NDUFAF6: variants seen among roughly 807,000 people sequenced by gnomAD.
The protein encoded by NDUFAF6 is NADH:ubiquinone oxidoreductase complex assembly factor 6.
Under a neutral mutation model 40.8 loss-of-function variants are expected in NDUFAF6, and 45 were observed. The ratio of observed to expected loss-of-function variants is 1.10; its 90% CI spans 0.87 to 1.42. The LOEUF (loss-of-function observed/expected upper bound fraction) is 1.42. NDUFAF6 is among the 40% of genes most tolerant of loss of function. The probability of loss-of-function intolerance (pLI) is 0.00; values close to 1 mark genes in which losing one functional copy is unlikely to be tolerated. For synonymous variants in NDUFAF6, 185 were observed against 155.9 expected (o/e 1.19, Z -1.39); for missense variants, 435 against 418.5 (o/e 1.04, Z -0.34).
At chr8:95,028,904 T>C (rs534092263) in intron 1 of NDUFAF6, among the ~76,000 whole-genome samples, 1 of 152,336 alleles carries the variant, frequency 6.6e-6, no homozygotes, top group South Asian at 2.1e-4. Flanking sequence ...TTGCCTTCGC[T>C]GTCCTTAGAA....
At chr8:94,906,244 G>A (rs1418448346) in intron 1 of NDUFAF6, among the ~76,000 whole-genome samples, 1 of 152,052 alleles carries the variant, frequency 6.6e-6, no homozygotes, top group Non-Finnish European at 1.5e-5. Flanking sequence ...GTGCTCTTAG[G>A]TATGACCACT....
At chr8:94,912,515 G>A (rs1264063332) in intron 1 of NDUFAF6, among the ~76,000 whole-genome samples, 2 of 152,158 alleles carry the variant, frequency 1.3e-5, no homozygotes, top group African/African-American at 4.8e-5. Context: ...TAAACCAGTA[G>A]ACTGGGTGCG....
chr8:95,020,451 A>T (rs1422697902), upstream of NDUFAF6, among the ~76,000 whole-genome samples: 1 of 152,168 alleles, frequency 6.6e-6, no homozygotes, highest in African/African-American at 2.4e-5. Flanking sequence ...GCAAGCCTGT[A>T]TGGTGCCTTG....
At chr8:95,060,952 G>C (rs1327140624), downstream of NDUFAF6, among the ~76,000 whole-genome samples, 1 of 152,098 alleles carries the variant, frequency 6.6e-6, no homozygotes, top group African/African-American at 2.4e-5. Flanking sequence ...GGGGGAGTGT[G>C]GGGGGATGCT....
At chr8:94,930,741 A>G in intron 1 of NDUFAF6, 1 of 1,612,896 alleles carries the variant, frequency 6.2e-7, no homozygotes, top group Middle Eastern at 1.7e-4. Flanking sequence ...GAAACAGAAA[A>G]AAGTGGGGAT....
At chr8:94,897,062 C>A (rs1464627062) in intron 1 of NDUFAF6, among the ~76,000 whole-genome samples, 1 of 152,148 alleles carries the variant, frequency 6.6e-6, no homozygotes, top group Non-Finnish European at 1.5e-5. Context: ...GGTCTAACAG[C>A]ATGATGTCAA....
At chr8:95,098,044 A>G (rs1809524158), upstream of NDUFAF6, among the ~76,000 whole-genome samples, 1 of 151,924 alleles carries the variant, frequency 6.6e-6, no homozygotes, top group Non-Finnish European at 1.5e-5. Context: ...CCTCATTTGT[A>G]ACAGGTTTCT....
chr8:95,031,631 GCT>G (rs1243516774), intron 1 of NDUFAF6, among the ~76,000 whole-genome samples: 3 of 152,054 alleles, frequency 2.0e-5, no homozygotes, highest in African/African-American at 7.2e-5. Flanking sequence ...ATAGAGTCTT[GCT>G]CTGTCACCCA....
chr8:94,976,645 A>G (rs959566718), intron 1 of NDUFAF6, among the ~76,000 whole-genome samples: 3 of 149,854 alleles, frequency 2.0e-5, no homozygotes, highest in African/African-American at 7.3e-5. Flanking sequence ...CTGCACTCCA[A>G]CTTGGGCAAC....
In NDUFAF6 at chr8:94,931,760, A is replaced by G. The variant is rs538483369; in HGVS notation, c.-935-13723A>G. The stretch of plus-strand genomic sequence containing the variant: ...GAGGCTGAGGCAGGTGGATCACCTT[A>G]ATAGAGTTCAAGACCAGCCTGGCCA... On this transcript the variant is annotated intron_variant, in intron 1 of 14. Transcript: ENST00000396113. Among the ~76,000 whole-genome samples, 13 of 152,202 alleles carry G rather than the reference A, an allele frequency of 8.5e-5. No individual in the cohort carries two copies. In the East Asian group the frequency reaches 2.5e-3, roughly 29 times the overall value.
chr8:95,070,966 T>A (rs758410789), intron 9 of NDUFAF6, among the ~76,000 whole-genome samples: 1 of 152,110 alleles, frequency 6.6e-6, no homozygotes, highest in Non-Finnish European at 1.5e-5. Flanking sequence ...ACACAAGCAG[T>A]AAAAAGCAAT....
chr8:95,083,424 A>G (rs1808941206), intron 2 of NDUFAF6, among the ~76,000 whole-genome samples: 1 of 152,166 alleles, frequency 6.6e-6, no homozygotes, highest in Admixed American at 6.5e-5. Flanking sequence ...AAATGTGTTT[A>G]ATACTTCCTA....
intron 2 of NDUFAF6, among the ~76,000 whole-genome samples, chr8:95,010,450 A>C (rs993679021): frequency 5.9e-5 from 9 of 152,230 alleles, no homozygotes; most frequent in Non-Finnish European, 1.3e-4. Flanking sequence ...GGCTTTAATC[A>C]GAATAAATGT....
upstream of NDUFAF6, chr8:95,024,913 G>A: frequency 3.6e-6 from 4 of 1,105,668 alleles, no homozygotes; most frequent in African/African-American, 4.9e-5. Context: ...CTGCCTTCCC[G>A]CGACTCAAAG....
chr8:95,036,441 G>A, intron 3 of NDUFAF6: 2 of 1,289,408 alleles, frequency 1.6e-6, no homozygotes, highest in Non-Finnish European at 2.0e-6. Context: ...CAGTAAAGAT[G>A]GAAAGCCAGA....
At chr8:95,101,251 G>A (rs1809636309) in intron 2 of NDUFAF6, 1 of 152,154 alleles carries the variant, frequency 6.6e-6, no homozygotes, top group Non-Finnish European at 1.5e-5. Context: ...GCACAATGTT[G>A]CCCTTGTCTG....
chr8:95,007,912 C>T (rs1254237127), intron 2 of NDUFAF6, among the ~76,000 whole-genome samples: 3 of 151,766 alleles, frequency 2.0e-5, no homozygotes, highest in Non-Finnish European at 4.4e-5. Context: ...TTTGTAGAGA[C>T]GGGGTCTCAC....
chr8:95,027,369 A>G (rs949582439), intron 1 of NDUFAF6, among the ~76,000 whole-genome samples: 2 of 151,986 alleles, frequency 1.3e-5, no homozygotes, highest in Non-Finnish European at 1.5e-5. Context: ...GCTTGAGCCT[A>G]AGAGTTCCAG....
intron 2 of NDUFAF6, among the ~76,000 whole-genome samples, chr8:95,014,524 T>C (rs958130853): frequency 1.6e-4 from 25 of 152,218 alleles, no homozygotes; most frequent in African/African-American, 6.0e-4. Context: ...TGCAAGGTTG[T>C]GAGCAGAGAA....
Sources: gnomAD v4.1 joint callset for allele counts (sites outside exome capture counted in the v4.1 genomes callset) on GRCh38, gnomAD v4.1.1 for gene constraint, MANE v1.5 for transcripts, NCBI Gene and HGNC (gene_info 2026-07-23, HGNC 2026-07-21) for gene names.